CELF2: variants seen among roughly 807,000 people sequenced by gnomAD.
CELF2 encodes CUG triplet repeat RNA-binding protein 2.
A neutral mutation model predicts 62.6 loss-of-function variants in CELF2; 8 were observed. The observed-to-expected ratio is 0.13, with a 90% CI of 0.07 to 0.23. The LOEUF (loss-of-function observed/expected upper bound fraction) is 0.23, where lower values mean the gene tolerates loss of function less well. Ranked by LOEUF, CELF2 falls within the 10% of genes least tolerant of loss-of-function variation. The pLI, the probability that CELF2 is intolerant of heterozygous loss-of-function variation, is 1.00. For synonymous variants in CELF2, 258 were observed against 250.0 expected, an observed-to-expected ratio of 1.03 and a Z score of -0.30; for missense variants, 333 against 671.0, an observed-to-expected ratio of 0.50 and a Z score of 5.56.
intron 2 of CELF2, among the ~76,000 whole-genome samples, chr10:10,941,800 C>T (rs1292233876): frequency 6.6e-6 from 1 of 152,040 alleles, no homozygotes; most frequent in Non-Finnish European, 1.5e-5. Flanking sequence ...TTGAGACCAG[C>T]CTGGCCAACA....
intron 1 of CELF2, among the ~76,000 whole-genome samples, chr10:11,035,911 C>G (rs985312329): frequency 1.3e-5 from 2 of 152,208 alleles, no homozygotes; most frequent in African/African-American, 4.8e-5. Flanking sequence ...GCTGGAGCTA[C>G]ACAAATTCTG....
chr10:10,694,169 A>T, the CELF2 span, among the ~76,000 whole-genome samples: 2 of 151,010 alleles, frequency 1.3e-5, no homozygotes, highest in Non-Finnish European at 3.0e-5. Context: ...ATTTCCCTCT[A>T]CACACTGCTT....
At chr10:11,053,313 C>A (rs1363581637) in intron 1 of CELF2, among the ~76,000 whole-genome samples, 3 of 152,144 alleles carry the variant, frequency 2.0e-5, no homozygotes, top group African/African-American at 7.2e-5. Context: ...GTGAAGTAGA[C>A]AGAATACTCT....
intron 2 of CELF2, among the ~76,000 whole-genome samples, chr10:11,195,142 A>ATC (rs1269544774): frequency 2.0e-5 from 3 of 152,196 alleles, no homozygotes; most frequent in African/African-American, 7.2e-5. Flanking sequence ...TTAAACTCCT[A>ATC]TCACACCTCT....
rs1172599853 is a variant in CELF2, at chr10:11,246,922, C to T, written c.355-2231C>T. On this transcript the variant is annotated intron_variant, in intron 3 of 12. Coordinates refer to ENST00000633077, the MANE Select transcript of CELF2 (RefSeq NM_001326342.2). The surrounding 1 kb of genome is among the most constrained non-coding windows in gnomAD (Gnocchi z 4.6). ...ACCTTAGCATGTCCAGACCTGCGCTCGTCAGCCGCCTCTGAAACTCTTTGC... is the reference window on the plus strand; with the variant it reads ...ACCTTAGCATGTCCAGACCTGCGCTTGTCAGCCGCCTCTGAAACTCTTTGC... 6.6e-6 allele frequency among the ~76,000 whole-genome samples: 1 copy of T among 152,178 alleles called. No individual in the cohort carries two copies. The highest frequency in any genetic ancestry group is 6.5e-5 in the Admixed American group (1 of 15,290).
At position 11,082,409 on chromosome 10, in the gene CELF2, A is replaced by G. The variant is rs377319427; in HGVS notation, c.74+64246A>G. Among the ~76,000 whole-genome samples, 290 of 152,056 alleles carry G rather than the reference A, an allele frequency of 1.9e-3. 1 individual carries two copies. Among genetic ancestry groups the G allele is most frequent in the African/African-American group, 6.4e-3 (267 of 41,436 alleles). ...GCTAGTTGTTCTATATTTCCAGATCACTCAGCTGTTCAACAGAAACGTACT... is the reference window on the plus strand; with the variant it reads ...GCTAGTTGTTCTATATTTCCAGATCGCTCAGCTGTTCAACAGAAACGTACT... On this transcript the variant is annotated intron_variant, in intron 1 of 12. Transcript: ENST00000633077.
At chr10:10,748,497 C>T in the CELF2 span, among the ~76,000 whole-genome samples, 1 of 151,954 alleles carries the variant, frequency 6.6e-6, no homozygotes, top group Non-Finnish European at 1.5e-5. Context: ...GCCTGTAATC[C>T]CAGCACTTTG....
the CELF2 span, among the ~76,000 whole-genome samples, chr10:10,683,402 CT>C: frequency 6.6e-6 from 1 of 152,172 alleles, no homozygotes; most frequent in South Asian, 2.1e-4. Flanking sequence ...GATTTTCATG[CT>C]TGTGTTTTCC....
At chr10:10,567,525 T>C in the CELF2 span, among the ~76,000 whole-genome samples, 5 of 152,068 alleles carry the variant, frequency 3.3e-5, no homozygotes, top group African/African-American at 1.2e-4. Flanking sequence ...CTTTTATGCA[T>C]CAACAGAGGC....
the CELF2 span, among the ~76,000 whole-genome samples, chr10:10,632,373 C>G: frequency 2.6e-5 from 4 of 152,184 alleles, no homozygotes; most frequent in Middle Eastern, 3.4e-3. Flanking sequence ...TTTCTAGAAG[C>G]CTCATGTTGT....
chr10:10,669,718 G>C, the CELF2 span, among the ~76,000 whole-genome samples: 1 of 152,086 alleles, frequency 6.6e-6, no homozygotes, highest in Non-Finnish European at 1.5e-5. Flanking sequence ...ATGCTTTACT[G>C]ACACTGCTAA....
At chr10:10,891,680 C>T (rs1036062862) in intron 1 of CELF2, among the ~76,000 whole-genome samples, 2 of 152,158 alleles carry the variant, frequency 1.3e-5, no homozygotes, top group East Asian at 1.9e-4. Flanking sequence ...TGACTCGATG[C>T]GGCTGCTTCG....
At chr10:11,313,366 G>C (rs1047774124) in intron 9 of CELF2, among the ~76,000 whole-genome samples, 4 of 152,174 alleles carry the variant, frequency 2.6e-5, no homozygotes, top group Admixed American at 2.6e-4. Flanking sequence ...TGACAGATCA[G>C]GCAGGCCAAG....
chr10:10,854,986 T>C (rs2132931481), intron 1 of CELF2, among the ~76,000 whole-genome samples: 1 of 152,192 alleles, frequency 6.6e-6, no homozygotes, highest in Non-Finnish European at 1.5e-5. Flanking sequence ...GGTGTAACTC[T>C]GCCCAACAAA....
At position 11,008,652 on chromosome 10, in the gene CELF2, C is replaced by T. The variant is rs555095493; in HGVS notation, c.53+3212C>T. ...TTCATTGAGCACAGCCATGGAAACA[C>T]GCAGGTTCTTGGAAAGAAAGTAAAA... On this transcript the variant is annotated intron_variant, in intron 1 of 12. Coordinates refer to the CELF2 transcript ENST00000416382. The surrounding 1 kb of genome is among the most constrained non-coding windows in gnomAD (Gnocchi z 4.5). 7.9e-5 allele frequency among the ~76,000 whole-genome samples: 12 copies of T among 152,074 alleles called. No individual in the cohort carries two copies. Among genetic ancestry groups the T allele is most frequent in the Non-Finnish European group, 1.3e-4 (9 of 68,030 alleles).
chr10:10,987,309 G>GT (rs1309091784), intron 2 of CELF2, among the ~76,000 whole-genome samples: 1 of 150,550 alleles, frequency 6.6e-6, no homozygotes, highest in Non-Finnish European at 1.5e-5. Context: ...ATTCGGAACA[G>GT]TTTTTTTCCT....
Position 11,331,603 on chromosome 10 carries a change from TTAAAA to T in CELF2, c.*2551_*2555del, listed in dbSNP as rs1480500934. ...TGTGTTTTGTATAAATCCCTAATAT[TTAAAA>T]AAAAAAACAAAACAAAAAAAGGTTA... On this transcript the variant is annotated 3_prime_UTR_variant, in exon 13 of 13. Coordinates refer to ENST00000633077, the MANE Select transcript of CELF2 (RefSeq NM_001326342.2). The T allele has an allele frequency of 6.6e-6, 1 of 152,032 alleles. No individual in the cohort carries two copies. The highest frequency in any genetic ancestry group is 2.4e-5 in the African/African-American group (1 of 41,318). The allele number at this position is 152,032 out of a possible 1,614,324, so 9.4% of individuals were successfully genotyped here. A position where few individuals can be genotyped will look rare whatever the true frequency, so the allele number is the denominator to read the frequency against.
chr10:10,889,820 A>T (rs547029392), intron 1 of CELF2, among the ~76,000 whole-genome samples: 2 of 152,326 alleles, frequency 1.3e-5, no homozygotes, highest in South Asian at 4.1e-4. Flanking sequence ...AAGTAGCACA[A>T]CTTAAACCGT....
intron 1 of CELF2, among the ~76,000 whole-genome samples, chr10:11,131,769 C>A (rs1054464475): frequency 1.3e-5 from 2 of 152,074 alleles, no homozygotes; most frequent in Non-Finnish European, 2.9e-5. Context: ...GCTTTGGTGA[C>A]TTTTTTTGGG....
Sources: allele counts gnomAD v4.1 joint callset (sites outside exome capture counted in the v4.1 genomes callset), GRCh38; gene constraint gnomAD v4.1.1; non-coding constraint Gnocchi (gnomAD v3.1); transcripts MANE v1.5; gene names NCBI Gene and HGNC (gene_info 2026-07-23, HGNC 2026-07-21).